Variants in AHCTF1 observed in about 807,000 individuals in gnomAD.
The protein encoded by AHCTF1 is AT-hook containing transcription factor 1.
AHCTF1 carries 24 observed loss-of-function variants against 248.4 expected under a neutral mutation model. The ratio of observed to expected loss-of-function variants is 0.10; its 90% CI spans 0.07 to 0.14. The LOEUF is 0.14. Among genes scored for constraint, AHCTF1 ranks in the 10% least tolerant of loss-of-function variants. AHCTF1 has a pLI of 1.00. For synonymous variants in AHCTF1, 786 were observed against 929.8 expected (o/e 0.85, Z 2.81); for missense variants, 2,206 against 2,636.2 (o/e 0.84, Z 3.57).
chr1:246,921,762 A>G (rs1315354043), intron 1 of AHCTF1, among the ~76,000 whole-genome samples: 11 of 152,218 alleles, frequency 7.2e-5, no homozygotes, highest in Non-Finnish European at 1.6e-4. Flanking sequence ...ACATAATTAT[A>G]TATTACTGAA....
intron 33 of AHCTF1, among the ~76,000 whole-genome samples, chr1:246,845,682 T>C (rs942188382): frequency 6.6e-6 from 1 of 152,204 alleles, no homozygotes; most frequent in East Asian, 1.9e-4. Context: ...TGTGCTTCTA[T>C]TATAGCACAG....
intron 27 of AHCTF1, among the ~76,000 whole-genome samples, chr1:246,862,391 A>C (rs2103069131): frequency 6.6e-6 from 1 of 152,112 alleles, no homozygotes; most frequent in Non-Finnish European, 1.5e-5. Context: ...GAGGCAGGAG[A>C]ATGGCATGAA....
chr1:246,881,408 A>T (rs565001167), intron 21 of AHCTF1, among the ~76,000 whole-genome samples: 1 of 152,326 alleles, frequency 6.6e-6, no homozygotes, highest in South Asian at 2.1e-4. Flanking sequence ...CAGGACACAG[A>T]AAGATTAAAA....
chr1:246,854,124 C>T (rs1008120134), intron 31 of AHCTF1, among the ~76,000 whole-genome samples: 14 of 151,912 alleles, frequency 9.2e-5, no homozygotes, highest in Non-Finnish European at 1.9e-4. Flanking sequence ...ACGGTGAAAC[C>T]CTGTCTCCAC....
Position 246,885,586 on chromosome 1 carries a change from T to C in AHCTF1, c.2567A>G (p.His856Arg), listed in dbSNP as rs997136530. Residue 856 changes from histidine (H) to arginine (R), a missense_variant, in exon 21 of 36, where the codon CAC becomes CGC. Transcript: ENST00000648844. The stretch of plus-strand genomic sequence containing the variant: ...CTGAATATATCTGAGGGCTTGTCTG[T>C]GCTCGCCCTGACTCATGAATGCCTG... ...IIQAFMSQGE[H>R]RQALRYIQTM... The C allele has an allele frequency of 2.5e-6, 4 of 1,612,308 alleles. No individual in the cohort carries two copies. The African/African-American group carries it at 4.0e-5, about 16-fold the overall frequency.
chr1:246,843,903 C>T lies in AHCTF1; in HGVS notation c.6417G>A (p.Gln2139=), dbSNP rs752030285. The T allele has an allele frequency of 4.0e-6, 6 of 1,491,192 alleles. No individual in the cohort carries two copies. The highest frequency in any genetic ancestry group is 8.9e-7 in the Non-Finnish European group (1 of 1,120,412). 92.4% of individuals were successfully genotyped at this position (1,491,192 alleles called of 1,614,324 possible). A position where few individuals can be genotyped will look rare whatever the true frequency, so the allele number is the denominator to read the frequency against. Residue 2139 remains glutamine, a synonymous_variant, in exon 34 of 36, where the codon CAG becomes CAA. Transcript: ENST00000648844. ...AKAKKIEVPA[Q]LKELVSDLSS... is the part of the protein sequence containing the mutation. ...ATAAATCCGAAACTAATTCTTTCAG[C>T]TGTGCAGGAACCTCTATTTTTTTAG...
chr1:246,878,486 A>C (rs1175075858), intron 21 of AHCTF1, among the ~76,000 whole-genome samples: 1 of 151,826 alleles, frequency 6.6e-6, no homozygotes, highest in Non-Finnish European at 1.5e-5. Context: ...TTAACTTGGA[A>C]AATCATTAGT....
At chr1:246,922,133 G>A (rs940310896) in intron 1 of AHCTF1, among the ~76,000 whole-genome samples, 1 of 152,166 alleles carries the variant, frequency 6.6e-6, no homozygotes, top group Non-Finnish European at 1.5e-5. Context: ...GCCTAGGCAG[G>A]TGGATCACCT....
At chr1:246,866,755 C>A (rs1251653341) in intron 26 of AHCTF1, among the ~76,000 whole-genome samples, 1 of 152,042 alleles carries the variant, frequency 6.6e-6, no homozygotes, top group African/African-American at 2.4e-5. Flanking sequence ...TTCAACTAAC[C>A]AATGCTCGTA....
chr1:246,860,350 T>A (rs1020998974), intron 29 of AHCTF1, among the ~76,000 whole-genome samples: 1 of 152,242 alleles, frequency 6.6e-6, no homozygotes, highest in African/African-American at 2.4e-5. Flanking sequence ...CAAGTCAGAC[T>A]ATGGCATCTT....
chr1:246,891,869 G>T lies in AHCTF1; in HGVS notation c.1855C>A (p.Gln619Lys), dbSNP rs751325576. Reference sequence around the variant, plus strand: ...AGCAAATAGCATTGCTGGATAGACTGTATAGTTTGTGGATCCATGAAATGA... The same window carrying T: ...AGCAAATAGCATTGCTGGATAGACTTTATAGTTTGTGGATCCATGAAATGA... ...SCHFMDPQTI[Q>K]SIQQCYLLLS... The change falls in exon 15 of 36, where the codon CAG becomes AAG. Residue 619 changes from glutamine to lysine, a missense_variant. Gln to Lys is a moderately conservative substitution (Grantham distance 53). Around this residue, in one of 6 missense-constraint regions of AHCTF1, gnomAD observed 650 missense variants for 870.8 expected, o/e 0.75. Transcript: ENST00000648844. 15 of 1,598,208 alleles carry T rather than the reference G, an allele frequency of 9.4e-6. No homozygotes were observed. Among genetic ancestry groups the T allele is most frequent in the Non-Finnish European group, 1.3e-5 (15 of 1,175,166 alleles).
At chr1:246,905,494 C>T in intron 6 of AHCTF1, 47 bp downstream of exon 6, 1 of 1,498,824 alleles carries the variant, frequency 6.7e-7, no homozygotes, top group Non-Finnish European at 9.3e-7. Flanking sequence ...GAGACTCTGT[C>T]TCCAAAAAAA....
intron 21 of AHCTF1, among the ~76,000 whole-genome samples, chr1:246,880,368 G>C (rs1663310017): frequency 6.6e-6 from 1 of 151,820 alleles, no homozygotes; most frequent in Non-Finnish European, 1.5e-5. Flanking sequence ...TTCGAGGCCA[G>C]CCTGACCAAC....
chr1:246,877,695 C>T (rs777907891), intron 21 of AHCTF1, among the ~76,000 whole-genome samples: 3 of 152,036 alleles, frequency 2.0e-5, no homozygotes, highest in African/African-American at 7.2e-5. Flanking sequence ...GAAACAAGCA[C>T]GCTGTGTCCA....
chr1:246,903,901 G>T, intron 7 of AHCTF1, 48 bp downstream of exon 7: 19 of 1,245,294 alleles, frequency 1.5e-5, no homozygotes, highest in Non-Finnish European at 2.1e-5. Context: ...ATTTAAAATA[G>T]AAAACAACAA....
Position 246,898,396 on chromosome 1 carries a change from GATTA to G in AHCTF1, c.1495-64_1495-61del, listed in dbSNP as rs964355745. On this transcript the variant is annotated intron_variant, in intron 11 of 35. Coordinates refer to ENST00000648844, the MANE Select transcript of AHCTF1 (RefSeq NM_001323342.2). ...GCTCAATTTGAATAATCAAATTTAAGATTAATTAATTACACTTAAAATTTAAGTA... is the reference window on the plus strand; with the variant it reads ...GCTCAATTTGAATAATCAAATTTAAGATTAATTACACTTAAAATTTAAGTA... The G allele has an allele frequency of 2.2e-4, 323 of 1,499,216 alleles. 1 individual carries two copies. The highest frequency in any genetic ancestry group is 5.3e-5 in the Non-Finnish European group (59 of 1,103,080). The allele number at this position is 1,499,216 out of a possible 1,614,324, so 92.9% of individuals were successfully genotyped here.
intron 33 of AHCTF1, among the ~76,000 whole-genome samples, chr1:246,847,181 G>A (rs12093614): frequency 6.6e-6 from 1 of 151,730 alleles, no homozygotes; most frequent in East Asian, 2.0e-4. Flanking sequence ...CCCAGCTACT[G>A]GGGAGGCTGA....
chr1:246,919,445 G>T (rs995888933), intron 1 of AHCTF1, among the ~76,000 whole-genome samples: 1 of 152,150 alleles, frequency 6.6e-6, no homozygotes, highest in Non-Finnish European at 1.5e-5. Flanking sequence ...CGGGCGTGGT[G>T]GCTCACGCCT....
Position 246,861,037 on chromosome 1 carries a change from CTT to C in AHCTF1, c.3992_3993del (p.Glu1331GlyfsTer8). ...YQDAPSPEDL[E>X]ETVFTASKPK... ...GGCTTAGAGGCCGTGAAAACAGTCT[CTT>C]CAAGGTCTTCCGGTGACGGTGCATC... On this transcript the variant is annotated frameshift_variant, in exon 29 of 36. Transcript: ENST00000648844. LOFTEE classifies it high-confidence loss of function. 1 of 1,613,986 alleles carries C rather than the reference CTT, an allele frequency of 6.2e-7. No individual in the cohort carries two copies. Among genetic ancestry groups the C allele is most frequent in the Non-Finnish European group, 8.5e-7 (1 of 1,179,884 alleles).
Sources: gnomAD v4.1 joint callset for allele counts (sites outside exome capture counted in the v4.1 genomes callset) on GRCh38, gnomAD v4.1.1 for gene constraint, gnomAD v4.1.1 regional missense constraint, MANE v1.5 for transcripts, NCBI Gene and HGNC (gene_info 2026-07-23, HGNC 2026-07-21) for gene names.